The following VIRMA variants were observed in gnomAD, a reference collection of about 807,000 sequenced individuals.
VIRMA encodes protein virilizer homolog.
A neutral mutation model predicts 182.4 loss-of-function variants in VIRMA; 65 were observed. The observed-to-expected ratio is 0.36, with a 90% CI of 0.29 to 0.44. The LOEUF is 0.44. Ranked by LOEUF, VIRMA falls within the 20% of genes least tolerant of loss-of-function variation. The pLI is 1.00. For missense variants in VIRMA, 1,752 were observed against 2,158.1 expected, an observed-to-expected ratio of 0.81 and a Z score of 3.73; for synonymous variants, 709 against 743.1, an observed-to-expected ratio of 0.95 and a Z score of 0.75.
In VIRMA at chr8:94,529,304, C is replaced by G; in HGVS notation, c.646G>C (p.Asp216His). Reference protein sequence around the residue: ...DKEEDAPHREDYFEPISPDRN... With the variant: ...DKEEDAPHREHYFEPISPDRN... ...TCAGGAGAAATGGGCTCAAAGTAAT[C>G]TTCTCTATGAGGAGCATCCTCTTCC... Residue 216 changes from aspartate to histidine, a missense_variant, in exon 7 of 24, where the codon GAT becomes CAT. By Grantham distance (81) the Asp-to-His change is moderately conservative (BLOSUM62 -1). Coordinates refer to ENST00000297591, the MANE Select transcript of VIRMA (RefSeq NM_015496.5). 4 of 1,612,880 alleles carry G rather than the reference C, an allele frequency of 2.5e-6. No individual in the cohort carries two copies. The highest frequency in any genetic ancestry group is 3.4e-6 in the Non-Finnish European group (4 of 1,178,884).
rs573353979 is a variant in VIRMA, at chr8:94,546,712, G to A, written c.64-2770C>T. 1.1e-4 allele frequency: 37 copies of A among 330,552 alleles called. 2 individuals are homozygous for A. The highest frequency in any genetic ancestry group is 1.7e-4 in the Non-Finnish European group (29 of 168,136). The allele number at this position is 330,552 out of a possible 1,614,324, so 20.5% of individuals were successfully genotyped here. Reference sequence around the variant, plus strand: ...ATGTAGTCTTTTATCCCTCACCCCCGTCCCAACCTTCCCCCTCCGAGTCCC... The same window carrying A: ...ATGTAGTCTTTTATCCCTCACCCCCATCCCAACCTTCCCCCTCCGAGTCCC... On this transcript the variant is annotated intron_variant, in intron 1 of 23. Coordinates refer to ENST00000297591, the MANE Select transcript of VIRMA (RefSeq NM_015496.5).
At chr8:94,540,322 T>A (rs1815493926) in intron 2 of VIRMA, among the ~76,000 whole-genome samples, 1 of 152,208 alleles carries the variant, frequency 6.6e-6, no homozygotes, top group East Asian at 1.9e-4. Context: ...TGATATATTA[T>A]AAATGAAATA....
chr8:94,519,288 T>C lies in VIRMA; in HGVS notation c.2210A>G (p.His737Arg). 6.2e-7 allele frequency: 1 copy of C among 1,613,986 alleles called. No individual in the cohort carries two copies. Among genetic ancestry groups the C allele is most frequent in the Non-Finnish European group, 8.5e-7 (1 of 1,179,982 alleles). Residue 737 changes from histidine (H) to arginine (R), a missense_variant, in exon 9 of 24, where the codon CAC becomes CGC. Physicochemically the swap from His to Arg is conservative, Grantham distance 29 (BLOSUM62 0). Transcript: ENST00000297591. ...ATNLLIRALC[H>R]FYDQDEEEGL... ...TTCCTCCTCATCTTGATCATAAAAGTGACACAGAGCTCGGATCAATAAATT... is the reference window on the plus strand; with the variant it reads ...TTCCTCCTCATCTTGATCATAAAAGCGACACAGAGCTCGGATCAATAAATT...
rs1586080303 is a variant in VIRMA, at chr8:94,511,642, T to C, written c.2933A>G (p.Lys978Arg). The change falls in exon 13 of 24, where the codon AAA (lysine) becomes AGA (arginine). Residue 978 changes from lysine (K) to arginine (R), a missense_variant. Coordinates refer to ENST00000297591, the MANE Select transcript of VIRMA (RefSeq NM_015496.5). Reference protein sequence around the residue: ...GMDTFIRVLQKLNSILTQPWR... With the variant: ...GMDTFIRVLQRLNSILTQPWR... ...AGGCTGAGTCAGAATACTGTTCAATTTTTGCAGAACTCGAATAAACGTGTC... is the reference window on the plus strand; with the variant it reads ...AGGCTGAGTCAGAATACTGTTCAATCTTTGCAGAACTCGAATAAACGTGTC... 6.2e-7 allele frequency: 1 copy of C among 1,614,042 alleles called. No individual in the cohort carries two copies.
At position 94,543,533 on chromosome 8, in the gene VIRMA, T is replaced by G. The variant is rs542188117; in HGVS notation, c.179+294A>C. 3.9e-4 allele frequency among the ~76,000 whole-genome samples: 59 copies of G among 151,794 alleles called. 1 individual carries two copies. In the East Asian group the frequency reaches 6.0e-3, roughly 15 times the overall value. On this transcript the variant is annotated intron_variant, in intron 2 of 23. Coordinates refer to ENST00000297591, the MANE Select transcript of VIRMA (RefSeq NM_015496.5). ...GTTAAAAATACTTCATCTACCTGGT[T>G]ACACCACCCCAGGATATTTTAGAAA...
chr8:94,520,897 A>C (rs1814737122), intron 8 of VIRMA, among the ~76,000 whole-genome samples: 1 of 152,154 alleles, frequency 6.6e-6, no homozygotes, highest in Non-Finnish European at 1.5e-5. Context: ...TAGTATTACC[A>C]CACATAGCAC....
Position 94,506,663 on chromosome 8 carries a change from G to A in VIRMA, c.3934C>T (p.Gln1312Ter). Reference sequence around the variant, plus strand: ...TTATTTGGTAGAGAATTGGAGAGCTGCTCCAGTTCAGAAATAGAACCTTCA... The same window carrying A: ...TTATTTGGTAGAGAATTGGAGAGCTACTCCAGTTCAGAAATAGAACCTTCA... ...SSEGSISELE[Q>*]LSNSLPNKEL... is the part of the protein sequence containing the mutation. Residue 1312 changes from glutamine to a stop codon, truncating the protein, a stop_gained, in exon 16 of 24, where the codon CAG becomes TAG. Coordinates refer to ENST00000297591, the MANE Select transcript of VIRMA (RefSeq NM_015496.5). LOFTEE classifies it high-confidence loss of function. The A allele has an allele frequency of 6.2e-7, 1 of 1,613,842 alleles. No homozygotes were observed. The highest frequency in any genetic ancestry group is 8.5e-7 in the Non-Finnish European group (1 of 1,179,856).
intron 4 of VIRMA, among the ~76,000 whole-genome samples, chr8:94,536,483 T>G (rs1489642190): frequency 6.6e-6 from 1 of 152,214 alleles, no homozygotes; most frequent in African/African-American, 2.4e-5. Flanking sequence ...AAAAGAAACT[T>G]TAAGGCACAG....
chr8:94,527,512 TACA>T (rs1040387779), intron 7 of VIRMA, 149 bp from the exon 8 acceptor site: 1 of 544,268 alleles, frequency 1.8e-6, no homozygotes, highest in African/African-American at 1.9e-5. Context: ...CCCACAATTT[TACA>T]ACATTTTATA....
chr8:94,502,352 G>T (rs1814017211), intron 16 of VIRMA, among the ~76,000 whole-genome samples: 1 of 151,234 alleles, frequency 6.6e-6, no homozygotes, highest in South Asian at 2.1e-4. Flanking sequence ...CAAACAAACA[G>T]ACAAAAACAC....
At chr8:94,535,649 G>A (rs1379458279) in intron 4 of VIRMA, among the ~76,000 whole-genome samples, 1 of 152,042 alleles carries the variant, frequency 6.6e-6, no homozygotes, top group East Asian at 1.9e-4. Flanking sequence ...CAGGGTGGTG[G>A]CGGCACCCAT....
At position 94,514,910 on chromosome 8, in the gene VIRMA, C is replaced by G. The variant is rs1814509420; in HGVS notation, c.2710G>C (p.Glu904Gln). ...WLEPLKNLRF[E>Q]INCIPNLIEY... is the part of the protein sequence containing the mutation. ...ATTAAGTTTGGGATGCAGTTAATTT[C>G]AAATCTAAGGTTTTTCAGAGGTTCA... The change falls in exon 11 of 24, where the codon GAA (glutamate) becomes CAA (glutamine). Residue 904 changes from glutamate (E) to glutamine (Q), a missense_variant. Transcript: ENST00000297591. 1 of 1,590,846 alleles carries G rather than the reference C, an allele frequency of 6.3e-7. No homozygotes were observed. Among genetic ancestry groups the G allele is most frequent in the African/African-American group, 1.3e-5 (1 of 74,762 alleles).
At chr8:94,522,200 G>A (rs1814796549) in intron 8 of VIRMA, among the ~76,000 whole-genome samples, 1 of 152,194 alleles carries the variant, frequency 6.6e-6, no homozygotes, top group South Asian at 2.1e-4. Flanking sequence ...ACATGTCACT[G>A]TTGCTATTTA....
chr8:94,492,542 G>A, intron 21 of VIRMA, 110 bp downstream of exon 21: 1 of 819,682 alleles, frequency 1.2e-6, no homozygotes, highest in Non-Finnish European at 1.9e-6. Context: ...AAAATGCTGG[G>A]ATTACAGGCG....
chr8:94,493,663 A>AT (rs765316881), intron 20 of VIRMA, among the ~76,000 whole-genome samples: 5 of 152,202 alleles, frequency 3.3e-5, no homozygotes, highest in Non-Finnish European at 7.3e-5. Context: ...AAAGAAATTA[A>AT]TTTTTAATGC....
Position 94,526,749 on chromosome 8 carries a change from G to T in VIRMA, c.1495C>A (p.Leu499Ile). 6.2e-7 allele frequency: 1 copy of T among 1,613,906 alleles called. No homozygotes were observed. Residue 499 changes from leucine to isoleucine, a missense_variant, in exon 8 of 24, where the codon CTT becomes ATT. By Grantham distance (5) the Leu-to-Ile change is conservative. This residue lies in a region of VIRMA where 401 missense variants were observed against 455.1 expected (regional missense o/e 0.88). Transcript: ENST00000297591. ...AAAGCTTTAAAAGCATTTAACTTAA[G>T]AGAAGATGATACGTGATCAGCAAAC... is the stretch of plus-strand genomic sequence containing the variant. The part of the protein sequence containing the change: ...LLFADHVSSS[L>I]KLNAFKALDS...
rs1416720667 is a variant in VIRMA, at chr8:94,526,625, A to G, written c.1619T>C (p.Leu540Ser). The change falls in exon 8 of 24, where the codon TTA becomes TCA. Residue 540 changes from leucine to serine, a missense_variant. By Grantham distance (145) the Leu-to-Ser change is moderately radical. This residue lies in a region of VIRMA where 401 missense variants were observed against 455.1 expected (regional missense o/e 0.88). Coordinates refer to ENST00000297591, the MANE Select transcript of VIRMA (RefSeq NM_015496.5). ...AGTAACAACCCTCACAGTCTGATCT[A>G]AAAGTATGAGTTCCAGAAGCTTTTG... ...GYQKLLELIL[L>S]DQTVRVVTAG... 1.9e-6 allele frequency: 3 copies of G among 1,614,214 alleles called. No individual in the cohort carries two copies. The highest frequency in any genetic ancestry group is 1.7e-6 in the Non-Finnish European group (2 of 1,180,042).
chr8:94,494,591 C>CAAAAAAAAAAA (rs1175058697), intron 20 of VIRMA, among the ~76,000 whole-genome samples: 2 of 42,924 alleles, frequency 4.7e-5, no homozygotes, highest in Non-Finnish European at 7.8e-5. Context: ...GACTCTGTCT[C>CAAAAAAAAAAA]AAAAAAAAAA....
At chr8:94,499,206 G>T (rs532619003) in intron 17 of VIRMA, 168 bp downstream of exon 17, 2 of 428,036 alleles carry the variant, frequency 4.7e-6, no homozygotes, top group East Asian at 3.5e-5. Flanking sequence ...TCACTATTTT[G>T]CCCAGGCTGG....
Sources: gnomAD v4.1 joint callset for allele counts (sites outside exome capture counted in the v4.1 genomes callset) on GRCh38, gnomAD v4.1.1 for gene constraint, gnomAD v4.1.1 regional missense constraint, MANE v1.5 for transcripts, NCBI Gene and HGNC (gene_info 2026-07-23, HGNC 2026-07-21) for gene names.